SLTM: variants seen among roughly 807,000 people sequenced by gnomAD.
SLTM encodes the protein SAFB-like transcription modulator.
Under a neutral mutation model 134.6 loss-of-function variants are expected in SLTM, and 43 were observed. That is an observed-to-expected ratio of 0.32 (90% CI 0.25 to 0.41). SLTM has a LOEUF of 0.41. SLTM is among the 10% of genes least tolerant of loss of function. The pLI is 1.00. For missense variants in SLTM, 1,055 were observed against 1,288.8 expected (o/e 0.82, Z 2.78); for synonymous variants, 424 against 432.3 (o/e 0.98, Z 0.24).
At chr15:58,911,091 C>T (rs2036238876) in intron 5 of SLTM, among the ~76,000 whole-genome samples, 1 of 152,036 alleles carries the variant, frequency 6.6e-6, no homozygotes, top group Non-Finnish European at 1.5e-5. Context: ...TAGGGACAGG[C>T]CTACAGACTT....
In SLTM at chr15:58,889,465, C is replaced by T. The variant is rs376108379; in HGVS notation, c.2169G>A (p.Arg723=). 4 of 1,613,964 alleles carry T rather than the reference C, an allele frequency of 2.5e-6. No homozygotes were observed. The highest frequency in any genetic ancestry group is 3.4e-6 in the Non-Finnish European group (4 of 1,179,956). Residue 723 remains arginine, a synonymous_variant, in exon 16 of 21, where the codon AGG becomes AGA. Transcript: ENST00000380516. ...CATCACGTGGGCGTTTCAAGGAATT[C>T]CTTTTTTCTTGTTCATAACGAAGCT... is the stretch of plus-strand genomic sequence containing the variant. ...QQQLRYEQEK[R]NSLKRPRDVD...
chr15:58,915,166 G>A (rs1427099081), intron 3 of SLTM, among the ~76,000 whole-genome samples: 1 of 152,004 alleles, frequency 6.6e-6, no homozygotes, highest in Non-Finnish European at 1.5e-5. Flanking sequence ...ACTCCAGCCT[G>A]GGCAACAGGG....
At chr15:58,907,721 A>T (rs1462399544) in intron 5 of SLTM, among the ~76,000 whole-genome samples, 1 of 152,200 alleles carries the variant, frequency 6.6e-6, no homozygotes, top group Non-Finnish European at 1.5e-5. Context: ...AGCTAGTAAA[A>T]CAACACTACA....
At position 58,886,975 on chromosome 15, in the gene SLTM, C is replaced by T. The variant is rs1188242179; in HGVS notation, c.2835G>A (p.Gln945=). The T allele has an allele frequency of 8.7e-6, 14 of 1,612,276 alleles. No individual in the cohort carries two copies. Among genetic ancestry groups the T allele is most frequent in the Non-Finnish European group, 1.1e-5 (13 of 1,179,996 alleles). The part of the protein sequence containing the change: ...GVITDRGGGS[Q]HYPEERHVVE... ...GCGGCAAGCCTCCCGCAGCACTTAC[C>T]TGTGATCCACCTCCTCGGTCTGTGA... is the stretch of plus-strand genomic sequence containing the variant. Residue 945 remains glutamine (Q), a splice_region_variant and synonymous_variant, in exon 19 of 21, where the codon CAG becomes CAA. Transcript: ENST00000380516.
Position 58,898,844 on chromosome 15 carries a change from T to G in SLTM, c.1067A>C (p.Lys356Thr). The G allele has an allele frequency of 1.9e-6, 3 of 1,608,480 alleles. No individual in the cohort carries two copies. The highest frequency in any genetic ancestry group is 2.5e-6 in the Non-Finnish European group (3 of 1,177,876). ...TGATGTCTTGCTGTCTTTAGATTCC[T>G]TTGAAGAGCTAAAGAGGCAAATCAC... is the stretch of plus-strand genomic sequence containing the variant. ...GASGQAKSSS[K>T]ESKDSKTSSK... Residue 356 changes from lysine to threonine, a missense_variant, in exon 8 of 21, where the codon AAG (lysine) becomes ACG (threonine). Physicochemically the swap from Lys to Thr is moderately conservative, Grantham distance 78. Transcript: ENST00000380516.
intron 2 of SLTM, among the ~76,000 whole-genome samples, chr15:58,926,280 G>T (rs1326350628): frequency 3.3e-5 from 5 of 152,136 alleles, no homozygotes; most frequent in African/African-American, 1.2e-4. Flanking sequence ...CCAGACTACA[G>T]AAATATTTAA....
intron 3 of SLTM, among the ~76,000 whole-genome samples, chr15:58,914,307 A>C (rs751215593): frequency 2.6e-5 from 4 of 152,232 alleles, no homozygotes; most frequent in Non-Finnish European, 4.4e-5. Context: ...TAATTTCCTG[A>C]TTAAATGAAG....
In SLTM at chr15:58,882,289, T is replaced by C. The variant is rs77354481; in HGVS notation, c.2996+1337A>G. Among the ~76,000 whole-genome samples the C allele has an allele frequency of 5.8e-3, 881 of 151,504 alleles. 24 individuals are homozygous for C. The highest frequency in any genetic ancestry group is 0.031 in the East Asian group (159 of 5,138). On this transcript the variant is annotated intron_variant, in intron 20 of 20. Transcript: ENST00000380516. ...TGAAATGGATGGTGGCACTATCAAA[T>C]TGAAAGAAACTGGAGGCAACAAAAG...
chr15:58,927,303 C>A (rs2037546012), intron 2 of SLTM, among the ~76,000 whole-genome samples: 1 of 152,038 alleles, frequency 6.6e-6, no homozygotes, highest in South Asian at 2.1e-4. Context: ...AGATGATGAT[C>A]TTGTTGCCCA....
chr15:58,891,449 T>A (rs762171562), intron 14 of SLTM, among the ~76,000 whole-genome samples: 3 of 152,224 alleles, frequency 2.0e-5, no homozygotes, highest in Non-Finnish European at 2.9e-5. Flanking sequence ...TGATATTATT[T>A]CTATAATCTA....
chr15:58,879,897 C>T lies in SLTM; in HGVS notation c.*102G>A. ...TAAATTTTTAAAAAGAAAAGTCTGACAGAACTCTCAAGCAAGTCAGAGGTC... is the reference window on the plus strand; with the variant it reads ...TAAATTTTTAAAAAGAAAAGTCTGATAGAACTCTCAAGCAAGTCAGAGGTC... On this transcript the variant is annotated 3_prime_UTR_variant, in exon 21 of 21. Coordinates refer to ENST00000380516, the MANE Select transcript of SLTM (RefSeq NM_024755.4). 1 of 1,370,366 alleles carries T rather than the reference C, an allele frequency of 7.3e-7. No individual in the cohort carries two copies. Among genetic ancestry groups the T allele is most frequent in the Non-Finnish European group, 9.7e-7 (1 of 1,030,978 alleles). The allele number at this position is 1,370,366 out of a possible 1,614,324, so 84.9% of individuals were successfully genotyped here. A position where few individuals can be genotyped will look rare whatever the true frequency, so the allele number is the denominator to read the frequency against.
At chr15:58,898,570 C>T (rs2035257194) in intron 8 of SLTM, 1 of 409,534 alleles carries the variant, frequency 2.4e-6, no homozygotes. Context: ...TGTTCCCTAG[C>T]TAATGGGTTT....
intron 2 of SLTM, among the ~76,000 whole-genome samples, chr15:58,920,664 A>AAT (rs1178604921): frequency 5.7e-4 from 83 of 144,982 alleles, no homozygotes; most frequent in African/African-American, 2.0e-3. Flanking sequence ...TAAATAAATA[A>AAT]AAATTTTTTG....
chr15:58,887,192 A>G, intron 18 of SLTM, 34 bp downstream of exon 18: 1 of 1,611,780 alleles, frequency 6.2e-7, no homozygotes, highest in Admixed American at 1.7e-5. Context: ...AATGCATGAG[A>G]CCACTAGGAA....
At position 58,911,083 on chromosome 15, in the gene SLTM, G is replaced by A. The variant is rs1193662349; in HGVS notation, c.561+1480C>T. On this transcript the variant is annotated intron_variant, in intron 5 of 20. Coordinates refer to ENST00000380516, the MANE Select transcript of SLTM (RefSeq NM_024755.4). ...TATCACTAGGAAATCAATGTACTTA[G>A]GGACAGGCCTACAGACTTTCACCAT... Among the ~76,000 whole-genome samples the A allele has an allele frequency of 3.9e-5, 6 of 152,152 alleles. No homozygotes were observed. In the South Asian group the frequency reaches 1.2e-3, roughly 32 times the overall value.
chr15:58,902,126 T>C (rs1381586734), intron 5 of SLTM, among the ~76,000 whole-genome samples: 2 of 152,142 alleles, frequency 1.3e-5, no homozygotes, highest in African/African-American at 4.8e-5. Context: ...AAGCAAATAA[T>C]GCAAACATCA....
At chr15:58,883,383 A>T (rs2033901539) in intron 20 of SLTM, 1 of 508,266 alleles carries the variant, frequency 2.0e-6, no homozygotes, top group East Asian at 3.5e-5. Flanking sequence ...GTACATACCC[A>T]TATCTATATC....
Position 58,908,002 on chromosome 15 carries a change from C to CGTGTGTGTGTGTGTGTGT in SLTM, c.561+4543_561+4560dup, listed in dbSNP as rs140029214. 2.0e-3 allele frequency among the ~76,000 whole-genome samples: 283 copies of CGTGTGTGTGTGTGTGTGT among 139,936 alleles called. 2 individuals are homozygous for CGTGTGTGTGTGTGTGTGT. The highest frequency in any genetic ancestry group is 3.5e-3 in the African/African-American group (131 of 36,962). The allele number at this position is 139,936 out of a possible 152,430, so 91.8% of individuals were successfully genotyped here. A position where few individuals can be genotyped will look rare whatever the true frequency, so the allele number is the denominator to read the frequency against. The stretch of plus-strand genomic sequence containing the variant: ...GATATATCCCTATATAAACATGCTG[C>CGTGTGTGTGTGTGTGTGT]GTGTGTGTGTGTGTGTGTGTGTGTG... On this transcript the variant is annotated intron_variant, in intron 5 of 20. Transcript: ENST00000380516.
At chr15:58,914,964 C>T (rs1247132963) in intron 3 of SLTM, among the ~76,000 whole-genome samples, 1 of 152,106 alleles carries the variant, frequency 6.6e-6, no homozygotes, top group African/African-American at 2.4e-5. Flanking sequence ...AGGAGGCCGA[C>T]GGGTGGATCA....
Sources: allele counts gnomAD v4.1 joint callset (sites outside exome capture counted in the v4.1 genomes callset), GRCh38; gene constraint gnomAD v4.1.1; transcripts MANE v1.5; gene names NCBI Gene and HGNC (gene_info 2026-07-23, HGNC 2026-07-21).